Variants in ADGRE3 observed in about 807,000 individuals in gnomAD.
The protein encoded by ADGRE3 is adhesion G protein-coupled receptor E3.
A neutral mutation model predicts 80.1 loss-of-function variants in ADGRE3; 88 were observed. The ratio of observed to expected loss-of-function variants is 1.10; its 90% CI spans 0.93 to 1.31. The LOEUF (loss-of-function observed/expected upper bound fraction) is 1.31, where lower values mean the gene tolerates loss of function less well. Among genes scored for constraint, ADGRE3 ranks in the 40% most tolerant of loss-of-function variants. The pLI, the probability that ADGRE3 is intolerant of heterozygous loss-of-function variation, is 0.00. For synonymous variants in ADGRE3, 281 were observed against 294.8 expected (o/e 0.95, Z 0.48); for missense variants, 715 against 776.5 (o/e 0.92, Z 0.94).
downstream of ADGRE3, among the ~76,000 whole-genome samples, chr19:14,618,541 G>A (rs1262801667): frequency 1.3e-5 from 2 of 150,412 alleles, no homozygotes; most frequent in Non-Finnish European, 3.0e-5. Context: ...GTGACAGAGT[G>A]AGACTCAGTC....
chr19:14,659,698 G>C (rs535401040), intron 4 of ADGRE3, among the ~76,000 whole-genome samples: 29 of 151,960 alleles, frequency 1.9e-4, no homozygotes, highest in African/African-American at 7.0e-4. Context: ...GCGGGTGCCT[G>C]TAATCCCAGC....
intron 2 of ADGRE3, 172 bp downstream of exon 2, chr19:14,668,629 AT>A: frequency 5.3e-6 from 3 of 566,996 alleles, no homozygotes; most frequent in Non-Finnish European, 9.5e-6. Flanking sequence ...ATAAAAGGCT[AT>A]CCATATTTGA....
At chr19:14,643,039 C>T (rs538423720) in intron 9 of ADGRE3, among the ~76,000 whole-genome samples, 1 of 152,160 alleles carries the variant, frequency 6.6e-6, no homozygotes, top group African/African-American at 2.4e-5. Context: ...CAATTTACAA[C>T]CCCACCAACA....
At chr19:14,643,946 G>A (rs1389591494) in intron 9 of ADGRE3, among the ~76,000 whole-genome samples, 162 bp downstream of exon 9, 1 of 151,684 alleles carries the variant, frequency 6.6e-6, no homozygotes, top group African/African-American at 2.4e-5. Flanking sequence ...CTTGACCTCA[G>A]GTGATCTGCC....
chr19:14,643,173 G>T (rs1971301154), intron 9 of ADGRE3, among the ~76,000 whole-genome samples: 1 of 133,784 alleles, frequency 7.5e-6, no homozygotes. Flanking sequence ...TTTAGACAGA[G>T]TCTCGCTCTG....
chr19:14,663,534 C>T lies in ADGRE3; in HGVS notation c.83G>A (p.Cys28Tyr). The change falls in exon 3 of 16, where the codon TGT (cysteine) becomes TAT (tyrosine). Residue 28 changes from cysteine (C) to tyrosine (Y), a missense_variant. By Grantham distance (194) the Cys-to-Tyr change is radical (BLOSUM62 -2). Coordinates refer to ENST00000253673, the MANE Select transcript of ADGRE3 (RefSeq NM_032571.5). ...GAVTQKTKTS[C>Y]AKCPPNASCV... is the part of the protein sequence containing the mutation. ...GGAAGCATTTGGGGGGCACTTAGCA[C>T]AGGAAGCTGCAGGGAGAAGAGAGGC... 1.9e-6 allele frequency: 3 copies of T among 1,612,594 alleles called. No homozygotes were observed. The highest frequency in any genetic ancestry group is 2.5e-6 in the Non-Finnish European group (3 of 1,179,044).
intron 8 of ADGRE3, among the ~76,000 whole-genome samples, chr19:14,645,637 C>T (rs972712420): frequency 2.0e-5 from 3 of 148,620 alleles, no homozygotes; most frequent in East Asian, 3.9e-4. Context: ...TCAGCCTGGG[C>T]GACAGAGACT....
chr19:14,620,492 T>TTC (rs1298475031), intron 15 of ADGRE3, among the ~76,000 whole-genome samples: 3,843 of 45,712 alleles, frequency 0.084, 103 homozygotes, highest in East Asian at 0.15. Flanking sequence ...TATGAATATA[T>TTC]ATGAATATAT....
chr19:14,620,564 AT>A (rs1970567660), intron 15 of ADGRE3, among the ~76,000 whole-genome samples: 1 of 34,342 alleles, frequency 2.9e-5, no homozygotes, highest in Non-Finnish European at 5.0e-5. Flanking sequence ...ATATATATAT[AT>A]ATATTTTTTT....
intron 7 of ADGRE3, among the ~76,000 whole-genome samples, chr19:14,650,183 ATC>A (rs765173378): frequency 4.8e-5 from 5 of 103,968 alleles, no homozygotes; most frequent in Non-Finnish European, 7.5e-5. Context: ...TCTCTCCCCC[ATC>A]TCTCTCTTTG....
chr19:14,658,875 C>T (rs970427074), intron 4 of ADGRE3, among the ~76,000 whole-genome samples: 1 of 152,002 alleles, frequency 6.6e-6, no homozygotes, highest in Admixed American at 6.6e-5. Flanking sequence ...GCTGGGATTA[C>T]AGGCACGCAC....
At chr19:14,626,474 G>T (rs1357928466) in intron 14 of ADGRE3, among the ~76,000 whole-genome samples, 2 of 152,044 alleles carry the variant, frequency 1.3e-5, no homozygotes, top group South Asian at 4.2e-4. Context: ...AATAGAAAAT[G>T]TATAAGATAT....
intron 7 of ADGRE3, among the ~76,000 whole-genome samples, chr19:14,648,032 C>T (rs998062994): frequency 6.5e-5 from 9 of 138,906 alleles, no homozygotes; most frequent in African/African-American, 2.2e-4. Flanking sequence ...AAGTAAGCTG[C>T]GATCACGCCA....
At chr19:14,644,858 T>C (rs1971356054) in intron 8 of ADGRE3, among the ~76,000 whole-genome samples, 1 of 152,136 alleles carries the variant, frequency 6.6e-6, no homozygotes, top group South Asian at 2.1e-4. Context: ...CCAGAGTAGC[T>C]AGAACTACAA....
intron 8 of ADGRE3, 137 bp from the exon 9 acceptor site, chr19:14,644,412 C>T: frequency 1.9e-6 from 1 of 537,162 alleles, no homozygotes; most frequent in South Asian, 2.8e-5. Context: ...CCTCCGCTTC[C>T]TGGGTTCAAG....
At chr19:14,655,497 C>T (rs1194944888) in intron 5 of ADGRE3, among the ~76,000 whole-genome samples, 1 of 152,066 alleles carries the variant, frequency 6.6e-6, no homozygotes, top group Non-Finnish European at 1.5e-5. Context: ...GCTCTGTCGC[C>T]CAGGCTAGAG....
chr19:14,643,144 G>GTTTTTTTTTTTT (rs373306807), intron 9 of ADGRE3, among the ~76,000 whole-genome samples: 1 of 124,066 alleles, frequency 8.1e-6, no homozygotes, highest in African/African-American at 3.0e-5. Context: ...AGTAATCATG[G>GTTTTTTTTTTTT]TTTTTTTTTT....
intron 5 of ADGRE3, among the ~76,000 whole-genome samples, chr19:14,656,694 T>G (rs927178699): frequency 5.9e-5 from 9 of 152,152 alleles, no homozygotes; most frequent in African/African-American, 2.2e-4. Flanking sequence ...CCAGGCAGCC[T>G]TTTCCTATTG....
intron 2 of ADGRE3, among the ~76,000 whole-genome samples, chr19:14,666,585 C>T (rs1286131922): frequency 6.6e-6 from 1 of 152,092 alleles, no homozygotes; most frequent in Non-Finnish European, 1.5e-5. Flanking sequence ...CCATGTTGGC[C>T]AAGCTGGTCT....
Sources: gnomAD v4.1 joint callset for allele counts (sites outside exome capture counted in the v4.1 genomes callset) on GRCh38, gnomAD v4.1.1 for gene constraint, MANE v1.5 for transcripts, NCBI Gene and HGNC (gene_info 2026-07-23, HGNC 2026-07-21) for gene names.